PTPRN2: variants seen among roughly 807,000 people sequenced by gnomAD.
The protein encoded by PTPRN2 is protein tyrosine phosphatase receptor type N2.
A neutral mutation model predicts 118.8 loss-of-function variants in PTPRN2; 74 were observed. The observed-to-expected ratio is 0.62, with a 90% CI of 0.52 to 0.76. The LOEUF (loss-of-function observed/expected upper bound fraction) is 0.76. PTPRN2 is among the 30% of genes least tolerant of loss of function. The probability of loss-of-function intolerance (pLI) is 0.00; values close to 1 mark genes in which losing one functional copy is unlikely to be tolerated. For synonymous variants in PTPRN2, 641 were observed against 608.0 expected (o/e 1.05, Z -0.80); for missense variants, 1,481 against 1,394.4 (o/e 1.06, Z -0.99).
intron 2 of PTPRN2, among the ~76,000 whole-genome samples, chr7:158,318,546 C>T (rs1802538262): frequency 6.6e-6 from 1 of 152,142 alleles, no homozygotes; most frequent in Non-Finnish European, 1.5e-5. Flanking sequence ...AAGTCAGTGA[C>T]CACCTAATCC....
chr7:158,075,999 C>T (rs1248687484), intron 11 of PTPRN2, among the ~76,000 whole-genome samples: 7 of 152,204 alleles, frequency 4.6e-5, no homozygotes, highest in African/African-American at 1.4e-4. Flanking sequence ...GGAGGTCTGG[C>T]GAAGGGGAGC....
intron 3 of PTPRN2, among the ~76,000 whole-genome samples, chr7:158,284,747 C>T (rs780823143): frequency 3.9e-5 from 6 of 152,194 alleles, no homozygotes; most frequent in South Asian, 2.1e-4. Context: ...CTCCTCTGCC[C>T]GCATCCAATG....
chr7:157,952,453 G>C lies in PTPRN2; in HGVS notation c.1724-53716C>G, dbSNP rs2117517. Among the ~76,000 whole-genome samples the C allele has an allele frequency of 9.6e-3, 1,120 of 117,210 alleles. 19 individuals carry two copies. Among genetic ancestry groups the C allele is most frequent in the African/African-American group, 0.027 (962 of 36,042 alleles). The allele number at this position is 117,210 out of a possible 152,430, so 76.9% of individuals were successfully genotyped here. ...ACAGGCGAGGGTGGGTAGTGTGCATGCCTGAGACGGGGTGGGGGACACAGG... is the reference window on the plus strand; with the variant it reads ...ACAGGCGAGGGTGGGTAGTGTGCATCCCTGAGACGGGGTGGGGGACACAGG... On this transcript the variant is annotated intron_variant, in intron 11 of 22. Transcript: ENST00000389418.
intron 1 of PTPRN2, among the ~76,000 whole-genome samples, chr7:158,585,169 C>G (rs1231410586): frequency 3.3e-5 from 5 of 152,174 alleles, no homozygotes; most frequent in African/African-American, 1.2e-4. Flanking sequence ...AGCACCTGCC[C>G]GGCACAGGTA....
chr7:158,277,229 G>A (rs28742233), intron 3 of PTPRN2, among the ~76,000 whole-genome samples: 117,572 of 152,188 alleles, frequency 0.77, 46,351 homozygotes, highest in Middle Eastern at 0.88. Flanking sequence ...CTGTCAGAGC[G>A]GTGAGATGAC....
At chr7:157,976,872 G>A (rs1011329266) in intron 11 of PTPRN2, among the ~76,000 whole-genome samples, 6 of 151,856 alleles carry the variant, frequency 4.0e-5, no homozygotes, top group African/African-American at 1.4e-4. Context: ...AGTCACAGAG[G>A]ATATAAACAC....
chr7:158,177,759 T>G (rs928059795), intron 5 of PTPRN2, among the ~76,000 whole-genome samples: 33 of 152,250 alleles, frequency 2.2e-4, no homozygotes, highest in African/African-American at 6.8e-4. Flanking sequence ...AAACAAAATT[T>G]CTTTGTCCAT....
At chr7:157,969,064 CAT>C (rs1437778304) in intron 11 of PTPRN2, among the ~76,000 whole-genome samples, 3 of 152,050 alleles carry the variant, frequency 2.0e-5, no homozygotes, top group African/African-American at 7.2e-5. Context: ...CTGTACTGCA[CAT>C]GTCAGATGCT....
chr7:158,106,495 T>C (rs1263357293), intron 10 of PTPRN2, among the ~76,000 whole-genome samples: 1 of 152,224 alleles, frequency 6.6e-6, no homozygotes, highest in Admixed American at 6.5e-5. Context: ...CCTCCGTGTA[T>C]CATCTGGAAG....
At chr7:157,767,952 A>T (rs1482566667) in intron 12 of PTPRN2, among the ~76,000 whole-genome samples, 1 of 152,266 alleles carries the variant, frequency 6.6e-6, no homozygotes, top group East Asian at 1.9e-4. Context: ...ATGAAGGCAC[A>T]GTCATGGGAC....
chr7:157,638,084 A>G (rs1804431594), intron 14 of PTPRN2, among the ~76,000 whole-genome samples: 1 of 152,258 alleles, frequency 6.6e-6, no homozygotes, highest in Non-Finnish European at 1.5e-5. Flanking sequence ...TATGCACATG[A>G]GCAATAATAC....
At chr7:157,776,387 C>T (rs1297480911) in intron 12 of PTPRN2, among the ~76,000 whole-genome samples, 1 of 97,374 alleles carries the variant, frequency 1.0e-5, no homozygotes, top group Admixed American at 1.1e-4. Flanking sequence ...CCTCACTCTC[C>T]TCCTCCTCCA....
At chr7:158,116,323 C>T (rs989322570) in intron 9 of PTPRN2, among the ~76,000 whole-genome samples, 4 of 152,238 alleles carry the variant, frequency 2.6e-5, no homozygotes, top group African/African-American at 7.2e-5. Flanking sequence ...AGGAATCTGT[C>T]TCCCACCTGA....
At chr7:157,757,407 T>G (rs955531272) in intron 12 of PTPRN2, among the ~76,000 whole-genome samples, 1 of 151,768 alleles carries the variant, frequency 6.6e-6, no homozygotes, top group African/African-American at 2.4e-5. Context: ...CAGCTCACCC[T>G]CCGACTGAGG....
intron 11 of PTPRN2, among the ~76,000 whole-genome samples, chr7:157,967,985 C>T (rs1040792928): frequency 6.6e-6 from 1 of 152,128 alleles, no homozygotes; most frequent in Non-Finnish European, 1.5e-5. Context: ...AGTAACATAC[C>T]TTTGGACACT....
At chr7:158,141,401 G>A (rs984624940) in intron 6 of PTPRN2, among the ~76,000 whole-genome samples, 3 of 152,116 alleles carry the variant, frequency 2.0e-5, no homozygotes, top group Non-Finnish European at 4.4e-5. Flanking sequence ...AGTCCATGCC[G>A]AGGCAGCGGG....
intron 11 of PTPRN2, among the ~76,000 whole-genome samples, chr7:157,939,954 G>T (rs1299275360): frequency 6.6e-6 from 1 of 152,214 alleles, no homozygotes; most frequent in Non-Finnish European, 1.5e-5. Context: ...CTGCACAGGC[G>T]GGGAAGAGCA....
At chr7:158,440,966 GGTGTTGGTGGT>G in intron 2 of PTPRN2, among the ~76,000 whole-genome samples, 1 of 145,034 alleles carries the variant, frequency 6.9e-6, no homozygotes, top group Non-Finnish European at 1.5e-5. Context: ...GGGTAGTAGT[GGTGTTGGTGGT>G]AGTGGTGGTG....
intron 11 of PTPRN2, among the ~76,000 whole-genome samples, chr7:157,982,787 C>A (rs1429436123): frequency 2.8e-4 from 19 of 67,468 alleles, no homozygotes; most frequent in South Asian, 6.7e-4. Context: ...CCCCGAGTCA[C>A]AGAGACGAGG....
Sources: allele counts gnomAD v4.1 joint callset (sites outside exome capture counted in the v4.1 genomes callset), GRCh38; gene constraint gnomAD v4.1.1; transcripts MANE v1.5; gene names NCBI Gene and HGNC (gene_info 2026-07-23, HGNC 2026-07-21).